Variants in BICD2 observed in about 807,000 individuals in gnomAD.
BICD2 encodes the protein BICD cargo adaptor 2.
Under a neutral mutation model 72.9 loss-of-function variants are expected in BICD2, and 25 were observed. The ratio of observed to expected loss-of-function variants is 0.34; its 90% CI spans 0.25 to 0.48. BICD2 has a LOEUF of 0.48. BICD2 is among the 20% of genes least tolerant of loss of function. The probability of loss-of-function intolerance (pLI) is 0.99; values close to 1 mark genes in which losing one functional copy is unlikely to be tolerated. For synonymous variants in BICD2, 501 were observed against 516.1 expected (o/e 0.97, Z 0.40); for missense variants, 894 against 1,175.2 (o/e 0.76, Z 3.50).
chr9:92,732,134 CAG>C (rs1049670331), intron 1 of BICD2, among the ~76,000 whole-genome samples: 1 of 152,124 alleles, frequency 6.6e-6, no homozygotes, highest in Admixed American at 6.5e-5. Flanking sequence ...ATGAGGAAGA[CAG>C]AAAAAGATCC....
rs1322365552 is a variant in BICD2, at chr9:92,720,425, G to A, written c.937C>T (p.Leu313=). 6.2e-7 allele frequency: 1 copy of A among 1,614,202 alleles called. No homozygotes were observed. The highest frequency in any genetic ancestry group is 1.1e-5 in the South Asian group (1 of 91,092). ...TTGGGCGTGGAGGTCTTGTTGTCCA[G>A]TGGCAGCTTGGCCAGGCCGCCGTGC... is the stretch of plus-strand genomic sequence containing the variant. The part of the protein sequence containing the change: ...FEHGGLAKLP[L]DNKTSTPKKE... The change falls in exon 4 of 7, where the codon CTG becomes TTG. Residue 313 remains leucine (L), a synonymous_variant. Coordinates refer to ENST00000356884, the MANE Select transcript of BICD2 (RefSeq NM_001003800.2). This position sits in a 1 kb window ranked among gnomAD's most constrained non-coding sequence, Gnocchi z 5.4.
At chr9:92,751,261 C>T (rs1184222058) in intron 1 of BICD2, among the ~76,000 whole-genome samples, 1 of 152,068 alleles carries the variant, frequency 6.6e-6, no homozygotes, top group Non-Finnish European at 1.5e-5. Context: ...AGTGATTCTC[C>T]TGCCTCAGTC....
Position 92,715,026 on chromosome 9 carries a change from G to A in BICD2, c.*128C>T, listed in dbSNP as rs1399613491. The A allele has an allele frequency of 6.1e-5, 88 of 1,430,956 alleles. No homozygotes were observed. In the East Asian group the frequency reaches 7.2e-4, roughly 12 times the overall value. The allele number at this position is 1,430,956 out of a possible 1,614,324, so 88.6% of individuals were successfully genotyped here. Reference sequence around the variant, plus strand: ...TCCTGCTGATGCAACGCCCCATGGCGCCTCGGCTAGACTCCTACCCTCTGT... The same window carrying A: ...TCCTGCTGATGCAACGCCCCATGGCACCTCGGCTAGACTCCTACCCTCTGT... On this transcript the variant is annotated 3_prime_UTR_variant, in exon 7 of 7. Coordinates refer to ENST00000356884, the MANE Select transcript of BICD2 (RefSeq NM_001003800.2).
intron 6 of BICD2, among the ~76,000 whole-genome samples, chr9:92,716,706 AAGAC>A (rs553668885): frequency 1.3e-5 from 2 of 152,246 alleles, no homozygotes; most frequent in African/African-American, 2.4e-5. Context: ...TGGAAAGTGA[AAGAC>A]AGCGGTACCT....
In BICD2 at chr9:92,718,529, G is replaced by A; in HGVS notation, c.2106+10C>T. ...TAGGTGACATGTGCCCCTGCTGCCT[G>A]GCACCTCACCTGCTTGTTGGCCTTG... On this transcript the variant is annotated intron_variant, in intron 5 of 6. Coordinates refer to ENST00000356884, the MANE Select transcript of BICD2 (RefSeq NM_001003800.2). 3 of 1,598,834 alleles carry A rather than the reference G, an allele frequency of 1.9e-6. No homozygotes were observed. The highest frequency in any genetic ancestry group is 2.6e-6 in the Non-Finnish European group (3 of 1,171,152).
At position 92,718,920 on chromosome 9, in the gene BICD2, G is replaced by C. The variant is rs201343832; in HGVS notation, c.1725C>G (p.Pro575=). The change falls in exon 5 of 7, where the codon CCC becomes CCG. Residue 575 remains proline, a synonymous_variant. Coordinates refer to ENST00000356884, the MANE Select transcript of BICD2 (RefSeq NM_001003800.2). The part of the protein sequence containing the change: ...GRTSPGGRTS[P]EARGRRSPIL... ...TGGGTGAGCGCCGGCCACGCGCCTC[G>C]GGGCTGGTGCGGCCCCCGGGACTGG... 1.3e-4 allele frequency: 205 copies of C among 1,606,936 alleles called. 1 individual carries two copies. Among genetic ancestry groups the C allele is most frequent in the South Asian group, 1.3e-3 (115 of 90,808 alleles).
intron 1 of BICD2, among the ~76,000 whole-genome samples, chr9:92,741,242 C>A (rs117343755): frequency 6.6e-6 from 1 of 152,192 alleles, no homozygotes; most frequent in Non-Finnish European, 1.5e-5. Flanking sequence ...ACCAACTCCA[C>A]GCCCAACACA....
At chr9:92,747,285 C>A (rs529009801) in intron 1 of BICD2, among the ~76,000 whole-genome samples, 1 of 152,342 alleles carries the variant, frequency 6.6e-6, no homozygotes, top group East Asian at 1.9e-4. Context: ...CTCTTAGGTG[C>A]TGACCCTTGC....
intron 1 of BICD2, among the ~76,000 whole-genome samples, chr9:92,759,479 C>T (rs1210079210): frequency 2.6e-5 from 4 of 152,216 alleles, no homozygotes; most frequent in African/African-American, 9.6e-5. Context: ...GCCTGCAATG[C>T]TCTGAGGGTG....
At chr9:92,756,781 C>T (rs1243991420) in intron 1 of BICD2, among the ~76,000 whole-genome samples, 2 of 151,440 alleles carry the variant, frequency 1.3e-5, no homozygotes, top group Non-Finnish European at 2.9e-5. Flanking sequence ...GCAGGAGAAT[C>T]GCTTGAACCC....
chr9:92,730,826 C>A (rs900673473), intron 1 of BICD2, among the ~76,000 whole-genome samples: 3 of 152,224 alleles, frequency 2.0e-5, no homozygotes, highest in Admixed American at 6.5e-5. Flanking sequence ...CACCCACACT[C>A]CTGAGGAGGC....
At position 92,718,946 on chromosome 9, in the gene BICD2, T is replaced by G; in HGVS notation, c.1699A>C (p.Thr567Pro). 1 of 1,609,234 alleles carries G rather than the reference T, an allele frequency of 6.2e-7. No individual in the cohort carries two copies. Among genetic ancestry groups the G allele is most frequent in the Non-Finnish European group, 8.5e-7 (1 of 1,179,580 alleles). The change falls in exon 5 of 7, where the codon ACC (threonine) becomes CCC (proline). Residue 567 changes from threonine (T) to proline (P), a missense_variant. By Grantham distance (38) the Thr-to-Pro change is conservative (BLOSUM62 -1). Transcript: ENST00000356884. ...YREGQGGAGR[T>P]SPGGRTSPEA... The stretch of plus-strand genomic sequence containing the variant: ...GGGCTGGTGCGGCCCCCGGGACTGG[T>G]GCGGCCGGCCCCGCCCTGGCCCTCG...
At chr9:92,740,395 T>C (rs1196088962) in intron 1 of BICD2, among the ~76,000 whole-genome samples, 4 of 151,962 alleles carry the variant, frequency 2.6e-5, no homozygotes, top group Non-Finnish European at 5.9e-5. Context: ...CATGTGAAAA[T>C]TGAAAAATGA....
intron 1 of BICD2, among the ~76,000 whole-genome samples, chr9:92,734,861 G>A (rs1434354510): frequency 6.6e-6 from 1 of 152,136 alleles, no homozygotes; most frequent in African/African-American, 2.4e-5. Context: ...GATCCCAGAT[G>A]TGCCCTCCAT....
chr9:92,743,546 A>G (rs368772287), intron 1 of BICD2, among the ~76,000 whole-genome samples: 49 of 152,114 alleles, frequency 3.2e-4, no homozygotes, highest in African/African-American at 8.7e-4. Context: ...CCACCACTCT[A>G]TAAGTCTCCT....
At chr9:92,754,929 A>T (rs998124094) in intron 1 of BICD2, among the ~76,000 whole-genome samples, 3 of 152,044 alleles carry the variant, frequency 2.0e-5, no homozygotes, top group African/African-American at 7.3e-5. Flanking sequence ...GGCACCTTGA[A>T]AAAAAGAACA....
intron 5 of BICD2, 47 bp from the exon 6 acceptor site, chr9:92,717,995 G>C: frequency 3.2e-6 from 5 of 1,577,312 alleles, no homozygotes; most frequent in Non-Finnish European, 4.3e-6. Flanking sequence ...CGTGAAGTCA[G>C]CCTAGAGGTG....
chr9:92,725,060 G>T (rs1853539066), intron 2 of BICD2, among the ~76,000 whole-genome samples: 1 of 152,186 alleles, frequency 6.6e-6, no homozygotes, highest in Admixed American at 6.5e-5. Context: ...GGAAGTGAGA[G>T]CCCAGAAGCT....
rs587777889 is a variant in BICD2 at position 92,715,426 on chromosome 9, G to A, written c.2296C>T (p.Arg766Trp). Residue 766 changes from arginine (R) to tryptophan (W), a missense_variant, in exon 7 of 7, where the codon CGG becomes TGG. Coordinates refer to ENST00000356884, the MANE Select transcript of BICD2 (RefSeq NM_001003800.2). ...EYITQLDEMQ[R>W]QLAAAEDEKK... is the part of the protein sequence containing the mutation. Reference sequence around the variant, plus strand: ...TCGTCCTCAGCAGCCGCCAGCTGCCGCTGCATCTCATCCAGCTGTGTAATG... The same window carrying A: ...TCGTCCTCAGCAGCCGCCAGCTGCCACTGCATCTCATCCAGCTGTGTAATG... 2.5e-6 allele frequency: 4 copies of A among 1,603,670 alleles called. No homozygotes were observed. The highest frequency in any genetic ancestry group is 2.7e-5 in the African/African-American group (2 of 74,778).
Sources: gnomAD v4.1 joint callset for allele counts (sites outside exome capture counted in the v4.1 genomes callset) on GRCh38, gnomAD v4.1.1 for gene constraint, Gnocchi (gnomAD v3.1) non-coding constraint, MANE v1.5 for transcripts, NCBI Gene and HGNC (gene_info 2026-07-23, HGNC 2026-07-21) for gene names.